Variants in ARHGAP26 observed in about 807,000 individuals in gnomAD.
ARHGAP26 encodes rho GTPase-activating protein 26.
In ARHGAP26, 38 loss-of-function variants were observed where a neutral mutation model predicts 104.8. The observed-to-expected ratio is 0.36, with a 90% CI of 0.28 to 0.48. The LOEUF is 0.48. Ranked by LOEUF, ARHGAP26 falls within the 20% of genes least tolerant of loss-of-function variation. The pLI is 0.99. For missense variants in ARHGAP26, 704 were observed against 947.9 expected (o/e 0.74, Z 3.38); for synonymous variants, 341 against 340.0 (o/e 1.00, Z -0.03).
chr5:142,904,626 AGT>A (rs1760853166), intron 8 of ARHGAP26, among the ~76,000 whole-genome samples: 1 of 152,180 alleles, frequency 6.6e-6, no homozygotes, highest in African/African-American at 2.4e-5. Flanking sequence ...ATGACTCACA[AGT>A]TCATGCCTTA....
chr5:143,013,493 C>T (rs1213672270), intron 11 of ARHGAP26, among the ~76,000 whole-genome samples: 1 of 152,106 alleles, frequency 6.6e-6, no homozygotes, highest in Non-Finnish European at 1.5e-5. Context: ...TATATATTCT[C>T]CTTATAACAT....
intron 17 of ARHGAP26, among the ~76,000 whole-genome samples, chr5:143,085,657 T>G (rs1312814513): frequency 6.6e-6 from 1 of 152,244 alleles, no homozygotes; most frequent in East Asian, 1.9e-4. Context: ...TCCCAGACTT[T>G]GAGGATAGCG....
chr5:143,216,083 C>A, intron 22 of ARHGAP26: 1 of 432,756 alleles, frequency 2.3e-6, no homozygotes. Context: ...TACCTTCTTT[C>A]ATTTTTAAGT....
At chr5:142,910,738 C>A (rs1293762438) in intron 9 of ARHGAP26, among the ~76,000 whole-genome samples, 3 of 151,636 alleles carry the variant, frequency 2.0e-5, no homozygotes, top group African/African-American at 2.4e-5. Context: ...GACTCCATCT[C>A]AAAAAAAGAA....
At chr5:143,215,951 G>A (rs781548313) in intron 22 of ARHGAP26, among the ~76,000 whole-genome samples, 2 of 152,164 alleles carry the variant, frequency 1.3e-5, no homozygotes, top group South Asian at 2.1e-4. Context: ...TAGGTTTCCA[G>A]TTCTCTTGGG....
intron 11 of ARHGAP26, among the ~76,000 whole-genome samples, chr5:142,961,244 A>G (rs1011573657): frequency 6.6e-6 from 1 of 152,112 alleles, no homozygotes; most frequent in African/African-American, 2.4e-5. Context: ...TAATCTCAGC[A>G]CTTTGGGAGG....
intron 20 of ARHGAP26, among the ~76,000 whole-genome samples, chr5:143,174,045 C>G (rs1803143594): frequency 6.6e-6 from 1 of 152,150 alleles, no homozygotes; most frequent in Non-Finnish European, 1.5e-5. Context: ...CTGTTTCTTC[C>G]AATAGCCTCT....
chr5:142,940,037 A>G (rs1484701937), intron 11 of ARHGAP26, among the ~76,000 whole-genome samples: 1 of 152,202 alleles, frequency 6.6e-6, no homozygotes, highest in Non-Finnish European at 1.5e-5. Context: ...GGAAAATGTG[A>G]TTTCGTTTAG....
At chr5:142,880,676 C>T (rs1756861151) in intron 4 of ARHGAP26, among the ~76,000 whole-genome samples, 1 of 152,114 alleles carries the variant, frequency 6.6e-6, no homozygotes, top group Non-Finnish European at 1.5e-5. Flanking sequence ...AATTCAGCTG[C>T]GGTCTCTTAC....
chr5:142,972,934 T>C (rs966772463), intron 11 of ARHGAP26, among the ~76,000 whole-genome samples: 1 of 152,200 alleles, frequency 6.6e-6, no homozygotes, highest in Non-Finnish European at 1.5e-5. Flanking sequence ...TTTTTTTCTG[T>C]GATGTTTTTA....
At chr5:143,119,256 C>T (rs1184351021) in intron 17 of ARHGAP26, among the ~76,000 whole-genome samples, 1 of 152,154 alleles carries the variant, frequency 6.6e-6, no homozygotes, top group Admixed American at 6.5e-5. Flanking sequence ...TTATATTGGT[C>T]TACAATTTGA....
chr5:143,154,111 T>TG (rs1800175861), intron 20 of ARHGAP26, among the ~76,000 whole-genome samples: 1 of 149,300 alleles, frequency 6.7e-6, no homozygotes, highest in African/African-American at 2.5e-5. Context: ...ACTCCTACTG[T>TG]GGGCCTGGTG....
intron 14 of ARHGAP26, among the ~76,000 whole-genome samples, chr5:143,048,919 G>GAAA (rs79094425): frequency 1.2e-4 from 13 of 106,116 alleles, no homozygotes; most frequent in Admixed American, 9.9e-5. Flanking sequence ...TCTCAAAAAA[G>GAAA]AAAAAAAAAA....
chr5:142,798,787 G>A (rs1206263087), intron 1 of ARHGAP26, among the ~76,000 whole-genome samples: 1 of 152,074 alleles, frequency 6.6e-6, no homozygotes, highest in Non-Finnish European at 1.5e-5. Flanking sequence ...TTTTCTACTG[G>A]TCTTGTCATT....
chr5:143,061,870 T>C (rs893829461), intron 17 of ARHGAP26, among the ~76,000 whole-genome samples: 3 of 152,238 alleles, frequency 2.0e-5, no homozygotes, highest in African/African-American at 7.2e-5. Context: ...TTATTTCTTC[T>C]CTGAGTCCCT....
At chr5:142,967,367 C>G (rs1283460497) in intron 11 of ARHGAP26, among the ~76,000 whole-genome samples, 2 of 152,158 alleles carry the variant, frequency 1.3e-5, no homozygotes, top group African/African-American at 4.8e-5. Flanking sequence ...GTGGTGACCT[C>G]CCAGCCTCCG....
At chr5:142,772,712 G>C in intron 1 of ARHGAP26, 1 of 531,790 alleles carries the variant, frequency 1.9e-6, no homozygotes, top group Non-Finnish European at 3.9e-6. Flanking sequence ...AATCCACCTG[G>C]TTTGAGCCAG....
intron 4 of ARHGAP26, among the ~76,000 whole-genome samples, chr5:142,884,287 C>T (rs796713606): frequency 1.3e-5 from 2 of 152,174 alleles, no homozygotes; most frequent in Non-Finnish European, 2.9e-5. Flanking sequence ...TGTCACTCTC[C>T]GTGACTTTTC....
intron 1 of ARHGAP26, among the ~76,000 whole-genome samples, chr5:142,817,736 A>G (rs530053051): frequency 6.6e-6 from 1 of 152,230 alleles, no homozygotes; most frequent in South Asian, 2.1e-4. Flanking sequence ...CAGTCATTAC[A>G]TCTGTGCTCG....
Sources: gnomAD v4.1 joint callset for allele counts (sites outside exome capture counted in the v4.1 genomes callset) on GRCh38, gnomAD v4.1.1 for gene constraint, MANE v1.5 for transcripts, NCBI Gene and HGNC (gene_info 2026-07-23, HGNC 2026-07-21) for gene names.